The following ANK1 variants were observed in gnomAD, a reference collection of about 807,000 sequenced individuals.
ANK1 encodes the protein ankyrin-1.
Under a neutral mutation model 210.4 loss-of-function variants are expected in ANK1, and 51 were observed. The observed-to-expected ratio is 0.24, with a 90% confidence interval of 0.19 to 0.31. The LOEUF (loss-of-function observed/expected upper bound fraction) is 0.31. Among genes scored for constraint, ANK1 ranks in the 10% least tolerant of loss-of-function variants. ANK1 has a pLI of 1.00. For missense variants in ANK1, 2,051 were observed against 2,504.4 expected, an observed-to-expected ratio of 0.82 and a Z score of 3.86; for synonymous variants, 967 against 1,025.9, an observed-to-expected ratio of 0.94 and a Z score of 1.10.
chr8:41,861,547 C>T (rs1813275126), intron 1 of ANK1, among the ~76,000 whole-genome samples: 1 of 152,354 alleles, frequency 6.6e-6, no homozygotes, highest in African/African-American at 2.4e-5. Context: ...AAGCAGCAGC[C>T]GTGGCTTGGG....
At chr8:41,867,578 C>A (rs144650884) in intron 1 of ANK1, among the ~76,000 whole-genome samples, 36 of 152,272 alleles carry the variant, frequency 2.4e-4, no homozygotes, top group African/African-American at 7.9e-4. Context: ...TTTTCCCATG[C>A]CATTCCCTCT....
intron 30 of ANK1, 29 bp downstream of exon 30, chr8:41,693,075 CA>C (rs747659822): frequency 1.3e-6 from 2 of 1,573,624 alleles, no homozygotes; most frequent in Non-Finnish European, 1.7e-6. Context: ...ACGGCCCACA[CA>C]ATACTGGGCT....
intron 1 of ANK1, among the ~76,000 whole-genome samples, chr8:41,865,444 G>A (rs866988652): frequency 3.3e-5 from 5 of 151,864 alleles, no homozygotes; most frequent in African/African-American, 1.2e-4. Context: ...TACTGTGTGG[G>A]TGAGGAAGGA....
At chr8:41,782,848 C>T (rs1845617950) in intron 1 of ANK1, among the ~76,000 whole-genome samples, 1 of 152,166 alleles carries the variant, frequency 6.6e-6, no homozygotes, top group Non-Finnish European at 1.5e-5. Flanking sequence ...TCAAGTATTT[C>T]ATTAACTTGA....
At chr8:41,662,657 T>C (rs1357339522) in intron 40 of ANK1, among the ~76,000 whole-genome samples, 1 of 152,208 alleles carries the variant, frequency 6.6e-6, no homozygotes, top group Non-Finnish European at 1.5e-5. Flanking sequence ...GTATCTGCCG[T>C]GTGCTCTGAG....
intron 37 of ANK1, among the ~76,000 whole-genome samples, chr8:41,682,677 C>T (rs1004513459): frequency 1.3e-5 from 2 of 152,146 alleles, no homozygotes; most frequent in Non-Finnish European, 2.9e-5. Context: ...GTCTGTGGCC[C>T]GGGGAGATGC....
rs569281909 is a variant in ANK1 at position 41,693,216 on chromosome 8, G to A, written c.3533-15C>T. 2.6e-6 allele frequency: 4 copies of A among 1,564,530 alleles called. No individual in the cohort carries two copies. In the South Asian group the frequency reaches 3.3e-5, roughly 13 times the overall value. On this transcript the variant is annotated splice_polypyrimidine_tract_variant and intron_variant, in intron 29 of 42. Coordinates refer to ENST00000289734, the MANE Select transcript of ANK1 (RefSeq NM_000037.4). ...GTCTGTTCCTCCTGTAACAGCGGCA[G>A]AAATGGGGCTGGGGACAGTCTTCAG... is the stretch of plus-strand genomic sequence containing the variant.
intron 1 of ANK1, among the ~76,000 whole-genome samples, chr8:41,791,767 A>G (rs990602325): frequency 6.6e-6 from 1 of 152,042 alleles, no homozygotes; most frequent in Non-Finnish European, 1.5e-5. Flanking sequence ...TTCATTTCCC[A>G]CATCTGGAAA....
chr8:41,895,790 C>T (rs61406828), intron 1 of ANK1, among the ~76,000 whole-genome samples: 2,958 of 151,966 alleles, frequency 0.019, 103 homozygotes, highest in African/African-American at 0.068. Context: ...AGGAAAGGTG[C>T]TCCCTGAGAA....
chr8:41,726,029 CT>C, intron 5 of ANK1, 83 bp from the exon 6 acceptor site: 1 of 1,490,390 alleles, frequency 6.7e-7, no homozygotes, highest in Non-Finnish European at 9.1e-7. Context: ...GCCCCTCGGG[CT>C]TATGCTCCCA....
intron 37 of ANK1, among the ~76,000 whole-genome samples, chr8:41,674,076 C>T (rs140723323): frequency 1.3e-5 from 2 of 152,344 alleles, no homozygotes; most frequent in Non-Finnish European, 2.9e-5. Context: ...TGCCCCCGGG[C>T]TGTGCTTTGA....
intron 2 of ANK1, among the ~76,000 whole-genome samples, chr8:41,754,676 G>A (rs528220169): frequency 6.6e-6 from 1 of 152,300 alleles, no homozygotes; most frequent in Admixed American, 6.5e-5. Flanking sequence ...AGCTCTAGTA[G>A]CATTAAGAGG....
At chr8:41,811,571 A>G (rs1802506269) in intron 1 of ANK1, among the ~76,000 whole-genome samples, 2 of 152,116 alleles carry the variant, frequency 1.3e-5, no homozygotes, top group East Asian at 3.9e-4. Context: ...ACTCTTAGGG[A>G]TGGCACTGCC....
chr8:41,756,064 A>ACT (rs1285208417), intron 2 of ANK1, among the ~76,000 whole-genome samples: 1 of 152,226 alleles, frequency 6.6e-6, no homozygotes, highest in African/African-American at 2.4e-5. Context: ...TGCCACTGCA[A>ACT]GACCAACTGA....
At chr8:41,834,414 C>T (rs73675143) in intron 1 of ANK1, among the ~76,000 whole-genome samples, 1 of 152,244 alleles carries the variant, frequency 6.6e-6, no homozygotes, top group Non-Finnish European at 1.5e-5. Context: ...GCGCCCATGT[C>T]GGAGGCAGCA....
chr8:41,852,209 A>T (rs1194941986), intron 1 of ANK1, among the ~76,000 whole-genome samples: 1 of 152,126 alleles, frequency 6.6e-6, no homozygotes, highest in African/African-American at 2.4e-5. Flanking sequence ...ATGCCTTGGG[A>T]AGGCATCTGG....
In ANK1 at chr8:41,686,012, C is replaced by T. The variant is rs924479083; in HGVS notation, c.4390+140G>A. The T allele has an allele frequency of 6.6e-6, 9 of 1,356,028 alleles. No homozygotes were observed. The Admixed American group carries it at 8.7e-5, about 13-fold the overall frequency. 84.0% of individuals were successfully genotyped at this position (1,356,028 alleles called of 1,614,324 possible). On this transcript the variant is annotated intron_variant, in intron 36 of 42. Coordinates refer to ENST00000289734, the MANE Select transcript of ANK1 (RefSeq NM_000037.4). Reference sequence around the variant, plus strand: ...GGACTGCCTGGAAGACCTCCTGATGCGAGTGGTGCGTGAGTGTGTGTGAGA... The same window carrying T: ...GGACTGCCTGGAAGACCTCCTGATGTGAGTGGTGCGTGAGTGTGTGTGAGA...
chr8:41,686,386 G>T, intron 35 of ANK1, 103 bp from the exon 36 acceptor site: 1 of 1,492,976 alleles, frequency 6.7e-7, no homozygotes, highest in Non-Finnish European at 9.3e-7. Flanking sequence ...GGGGGACCCA[G>T]TGGGGAGCAC....
intron 6 of ANK1, among the ~76,000 whole-genome samples, chr8:41,725,051 A>ATTTTTTTCT (rs1172555186): frequency 2.0e-5 from 3 of 152,182 alleles, no homozygotes; most frequent in African/African-American, 7.2e-5. Context: ...TTTTAGAGGC[A>ATTTTTTTCT]GGGTCTCACT....
Sources: allele counts gnomAD v4.1 joint callset (sites outside exome capture counted in the v4.1 genomes callset), GRCh38; gene constraint gnomAD v4.1.1; transcripts MANE v1.5; gene names NCBI Gene and HGNC (gene_info 2026-07-23, HGNC 2026-07-21).